SLAIN2: variants seen among roughly 807,000 people sequenced by gnomAD.
SLAIN2 encodes the protein SLAIN motif-containing protein 2.
In SLAIN2, 31 loss-of-function variants were observed where a neutral mutation model predicts 56.6. That is an observed-to-expected ratio of 0.55 (90% confidence interval 0.41 to 0.74). The LOEUF is 0.74. Among genes scored for constraint, SLAIN2 ranks in the 30% least tolerant of loss-of-function variants. The pLI is 0.00. For missense variants in SLAIN2, 777 were observed against 754.2 expected (o/e 1.03, Z -0.35); for synonymous variants, 317 against 284.9 (o/e 1.11, Z -1.13).
At chr4:48,353,695 G>A (rs1192117432) in intron 1 of SLAIN2, among the ~76,000 whole-genome samples, 3 of 152,138 alleles carry the variant, frequency 2.0e-5, no homozygotes, top group African/African-American at 7.2e-5. Context: ...AAAGTTTTTA[G>A]GCTGTGAAAC....
At chr4:48,376,313 G>A (rs1715806957) in intron 2 of SLAIN2, among the ~76,000 whole-genome samples, 1 of 151,990 alleles carries the variant, frequency 6.6e-6, no homozygotes, top group Non-Finnish European at 1.5e-5. Flanking sequence ...AAATTAGCCA[G>A]GCGTGGTGGC....
At chr4:48,380,651 G>A (rs1055490257) in intron 4 of SLAIN2, among the ~76,000 whole-genome samples, 1 of 152,142 alleles carries the variant, frequency 6.6e-6, no homozygotes, top group African/African-American at 2.4e-5. Context: ...TCTTGCCAGT[G>A]CATTTCATTA....
chr4:48,407,111 T>G (rs754095676), intron 6 of SLAIN2, among the ~76,000 whole-genome samples: 5 of 152,114 alleles, frequency 3.3e-5, no homozygotes, highest in Non-Finnish European at 5.9e-5. Context: ...TTCTTTTTTG[T>G]GGGAACTCCT....
At chr4:48,358,898 T>C (rs1351269447) in intron 1 of SLAIN2, among the ~76,000 whole-genome samples, 1 of 151,092 alleles carries the variant, frequency 6.6e-6, no homozygotes, top group Non-Finnish European at 1.5e-5. Flanking sequence ...TTTTTGTATT[T>C]TTACTAGAGA....
chr4:48,382,723 A>C lies in SLAIN2; in HGVS notation c.1018A>C (p.Asn340His). The change falls in exon 5 of 8, where the codon AAC becomes CAC. Residue 340 changes from asparagine to histidine, a missense_variant. By Grantham distance (68) the Asn-to-His change is moderately conservative (BLOSUM62 1). Transcript: ENST00000264313. Reference protein sequence around the residue: ...NMHHAVYPAVNRFSPSPRNSP... With the variant: ...NMHHAVYPAVHRFSPSPRNSP... ...GCATCATGCAGTATACCCTGCTGTT[A>C]ACAGGTTTTCACCATCACCACGCAA... The C allele has an allele frequency of 6.2e-7, 1 of 1,613,770 alleles. No individual in the cohort carries two copies. The highest frequency in any genetic ancestry group is 1.1e-5 in the South Asian group (1 of 91,066).
chr4:48,390,870 T>C (rs904455581), intron 6 of SLAIN2, among the ~76,000 whole-genome samples: 1 of 152,206 alleles, frequency 6.6e-6, no homozygotes. Context: ...AAGAACACTA[T>C]CTTTAAATTT....
intron 6 of SLAIN2, among the ~76,000 whole-genome samples, chr4:48,412,128 A>T (rs1190436957): frequency 6.6e-6 from 1 of 152,136 alleles, no homozygotes; most frequent in African/African-American, 2.4e-5. Context: ...CTCTAAGGTT[A>T]GTTATATGTT....
chr4:48,383,886 C>A, intron 6 of SLAIN2, 102 bp downstream of exon 6: 1 of 1,255,700 alleles, frequency 8.0e-7, no homozygotes, highest in Non-Finnish European at 1.1e-6. Flanking sequence ...TGCTGAAAAA[C>A]CGTTTTAAAC....
intron 6 of SLAIN2, chr4:48,394,530 G>A (rs1234663033): frequency 2.1e-6 from 3 of 1,433,476 alleles, no homozygotes; most frequent in Non-Finnish European, 2.8e-6. Flanking sequence ...TGTAGCCTTT[G>A]TCTTGTACTT....
intron 1 of SLAIN2, among the ~76,000 whole-genome samples, chr4:48,350,758 T>C (rs551833206): frequency 3.9e-5 from 6 of 152,326 alleles, no homozygotes; most frequent in African/African-American, 1.4e-4. Flanking sequence ...ACTAGGTCTT[T>C]AGGAGTGGCT....
At position 48,341,620 on chromosome 4, in the gene SLAIN2, C is replaced by A; in HGVS notation, c.-120C>A. 7.1e-7 allele frequency: 1 copy of A among 1,406,018 alleles called. No homozygotes were observed. 87.1% of individuals were successfully genotyped at this position (1,406,018 alleles called of 1,614,324 possible). A position where few individuals can be genotyped will look rare whatever the true frequency, so the allele number is the denominator to read the frequency against. The stretch of plus-strand genomic sequence containing the variant: ...GGGGACCCTGGCGGTGGGGCCTGGT[C>A]CTGCTATATGCCGGCGCCTCGGCTA... On this transcript the variant is annotated 5_prime_UTR_variant, in exon 1 of 8. Coordinates refer to ENST00000264313, the MANE Select transcript of SLAIN2 (RefSeq NM_020846.2).
At chr4:48,380,063 G>A (rs1715929807) in intron 4 of SLAIN2, among the ~76,000 whole-genome samples, 1 of 152,016 alleles carries the variant, frequency 6.6e-6, no homozygotes, top group Non-Finnish European at 1.5e-5. Flanking sequence ...CTGTGTGAGG[G>A]ACAAAGAACA....
intron 1 of SLAIN2, among the ~76,000 whole-genome samples, chr4:48,365,098 CTCTTT>C (rs1447173120): frequency 5.3e-5 from 8 of 152,010 alleles, no homozygotes; most frequent in Non-Finnish European, 1.0e-4. Flanking sequence ...GTGATGTCCT[CTCTTT>C]TGTTTTTGGT....
At chr4:48,419,302 C>T (rs1342168664) in intron 6 of SLAIN2, among the ~76,000 whole-genome samples, 1 of 152,132 alleles carries the variant, frequency 6.6e-6, no homozygotes, top group Non-Finnish European at 1.5e-5. Context: ...GGGTTTTTCA[C>T]CATGTTGGCC....
chr4:48,393,920 A>G (rs1179935456), intron 6 of SLAIN2, among the ~76,000 whole-genome samples: 1 of 152,192 alleles, frequency 6.6e-6, no homozygotes, highest in African/African-American at 2.4e-5. Context: ...TTTAAAAGGT[A>G]GAGATGGTCT....
intron 6 of SLAIN2, among the ~76,000 whole-genome samples, chr4:48,406,487 A>G (rs575693095): frequency 6.6e-6 from 1 of 151,828 alleles, no homozygotes; most frequent in Admixed American, 6.6e-5. Context: ...ATGTTTACTG[A>G]AAACAATTTT....
chr4:48,366,175 T>G (rs1247559776), intron 1 of SLAIN2, among the ~76,000 whole-genome samples: 1 of 152,254 alleles, frequency 6.6e-6, no homozygotes, highest in East Asian at 1.9e-4. Context: ...TCAGAAACCA[T>G]ACATTAAATA....
chr4:48,363,734 C>A (rs1715409092), intron 1 of SLAIN2, among the ~76,000 whole-genome samples: 1 of 105,204 alleles, frequency 9.5e-6, no homozygotes, highest in Admixed American at 8.8e-5. Flanking sequence ...GGGCGGCTGG[C>A]CAGGCGGGGG....
chr4:48,390,756 C>T (rs191970117), intron 6 of SLAIN2, among the ~76,000 whole-genome samples: 2 of 152,012 alleles, frequency 1.3e-5, no homozygotes, highest in South Asian at 2.1e-4. Context: ...GTATAGCTTT[C>T]GTTTTTGAAA....
Sources: gnomAD v4.1 joint callset for allele counts (sites outside exome capture counted in the v4.1 genomes callset) on GRCh38, gnomAD v4.1.1 for gene constraint, MANE v1.5 for transcripts, NCBI Gene and HGNC (gene_info 2026-07-23, HGNC 2026-07-21) for gene names.